CPA3: variants seen among roughly 807,000 people sequenced by gnomAD.
The protein encoded by CPA3 is carboxypeptidase A3, also known as mast cell carboxypeptidase A.
CPA3 carries 52 observed loss-of-function variants against 55.8 expected under a neutral mutation model. The ratio of observed to expected loss-of-function variants is 0.93; its 90% CI spans 0.75 to 1.17. CPA3 has a LOEUF of 1.17. CPA3 is among the 50% of genes most tolerant of loss of function. CPA3 has a pLI of 0.00. For missense variants in CPA3, 547 were observed against 509.1 expected (o/e 1.07, Z -0.72); for synonymous variants, 179 against 171.2 (o/e 1.05, Z -0.36).
At chr3:148,866,604 A>T (rs1399470031) in intron 2 of CPA3, among the ~76,000 whole-genome samples, 1 of 152,230 alleles carries the variant, frequency 6.6e-6, no homozygotes, top group Non-Finnish European at 1.5e-5. Context: ...CTGTAGCCTT[A>T]GGCAACTTAC....
intron 10 of CPA3, among the ~76,000 whole-genome samples, chr3:148,894,471 A>C (rs1234073789): frequency 3.3e-5 from 5 of 150,314 alleles, no homozygotes; most frequent in African/African-American, 9.7e-5. Flanking sequence ...AAAGAACAAA[A>C]AAAAAAAAAG....
intron 2 of CPA3, among the ~76,000 whole-genome samples, chr3:148,866,704 C>T (rs1006255786): frequency 7.9e-5 from 12 of 152,024 alleles, no homozygotes; most frequent in Non-Finnish European, 1.0e-4. Context: ...ACTAAGTAAG[C>T]GTTTGATAGC....
At chr3:148,881,078 C>A (rs756580116) in intron 6 of CPA3, among the ~76,000 whole-genome samples, 3 of 152,172 alleles carry the variant, frequency 2.0e-5, no homozygotes, top group Non-Finnish European at 4.4e-5. Flanking sequence ...TTTATTAATA[C>A]AATTTTTTAT....
chr3:148,886,606 G>T (rs1432175940), intron 10 of CPA3, among the ~76,000 whole-genome samples: 1 of 152,116 alleles, frequency 6.6e-6, no homozygotes, highest in Non-Finnish European at 1.5e-5. Context: ...GGGGTGGGAA[G>T]ATCATTTGGG....
chr3:148,883,704 T>C lies in CPA3; in HGVS notation c.870T>C (p.Ile290=), dbSNP rs1247538575. 1.2e-6 allele frequency: 2 copies of C among 1,614,090 alleles called. No individual in the cohort carries two copies. Among genetic ancestry groups the C allele is most frequent in the South Asian group, 2.2e-5 (2 of 91,078 alleles). Residue 290 remains isoleucine, a synonymous_variant, in exon 9 of 11, where the codon ATT becomes ATC. Coordinates refer to ENST00000296046, the MANE Select transcript of CPA3 (RefSeq NM_001870.4). ...AGACGAAAGCTGTCACTAATTTCAT[T>C]AGAAGCCACCTGAATGAAATCAAGG... The part of the protein sequence containing the change: ...EKETKAVTNF[I]RSHLNEIKVY...
intron 9 of CPA3, among the ~76,000 whole-genome samples, chr3:148,885,063 G>A (rs116108730): frequency 0.014 from 2,204 of 152,142 alleles, 47 homozygotes; most frequent in African/African-American, 0.05. Flanking sequence ...ACACTAACGT[G>A]TATTAAAAGG....
chr3:148,889,741 G>A (rs1477869915), intron 10 of CPA3, among the ~76,000 whole-genome samples: 1 of 151,796 alleles, frequency 6.6e-6, no homozygotes, highest in Non-Finnish European at 1.5e-5. Flanking sequence ...GTAATGGTGG[G>A]CACCTGTAAT....
At chr3:148,883,892 TGTTGAAA>T in intron 9 of CPA3, 77 bp downstream of exon 9, 1 of 1,077,304 alleles carries the variant, frequency 9.3e-7, no homozygotes, top group Non-Finnish European at 1.4e-6. Flanking sequence ...AACTTGGGTA[TGTTGAAA>T]GAATTTCACA....
intron 7 of CPA3, 128 bp downstream of exon 7, chr3:148,881,760 T>C: frequency 2.1e-6 from 1 of 471,494 alleles, no homozygotes; most frequent in Non-Finnish European, 3.6e-6. Context: ...TTTTTTAAAA[T>C]CTCAGTTTCA....
At chr3:148,889,646 C>T (rs1299358344) in intron 10 of CPA3, among the ~76,000 whole-genome samples, 15 of 151,770 alleles carry the variant, frequency 9.9e-5, no homozygotes, top group Admixed American at 2.0e-4. Context: ...CTGAGGAGGG[C>T]GGATCACAAG....
chr3:148,878,399 C>CAAA, intron 3 of CPA3, 42 bp from the exon 4 acceptor site: 1 of 1,349,904 alleles, frequency 7.4e-7, no homozygotes, highest in African/African-American at 1.4e-5. Context: ...GTTTTCCTTT[C>CAAA]TCATGATAAA....
Position 148,879,806 on chromosome 3 carries a change from A to G in CPA3, c.493A>G (p.Arg165Gly). Reference protein sequence around the residue: ...YVLKIGEKNERRKAIFTDCGI... With the variant: ...YVLKIGEKNEGRKAIFTDCGI... The stretch of plus-strand genomic sequence containing the variant: ...TAAATAGATTGGGGAAAAGAATGAA[A>G]GAAGAAAGGCTATTTTTACGGATTG... The change falls in exon 6 of 11, where the codon AGA becomes GGA. Residue 165 changes from arginine (R) to glycine (G), a missense_variant. By Grantham distance (125) the Arg-to-Gly change is moderately radical. Coordinates refer to ENST00000296046, the MANE Select transcript of CPA3 (RefSeq NM_001870.4). 6.2e-7 allele frequency: 1 copy of G among 1,610,318 alleles called. No homozygotes were observed. Among genetic ancestry groups the G allele is most frequent in the Non-Finnish European group, 8.5e-7 (1 of 1,176,706 alleles).
At chr3:148,885,613 T>C (rs1463943873) in intron 9 of CPA3, among the ~76,000 whole-genome samples, 2 of 151,968 alleles carry the variant, frequency 1.3e-5, no homozygotes, top group African/African-American at 4.8e-5. Flanking sequence ...GGTTTCACCA[T>C]GCTAGCCAGG....
chr3:148,895,389 A>T (rs907516610), intron 10 of CPA3, among the ~76,000 whole-genome samples: 5 of 152,176 alleles, frequency 3.3e-5, no homozygotes, highest in Non-Finnish European at 7.4e-5. Flanking sequence ...TTGAGCTGGC[A>T]CTGGGCATGA....
intron 6 of CPA3, among the ~76,000 whole-genome samples, chr3:148,880,990 A>T (rs1281462442): frequency 6.6e-6 from 1 of 152,214 alleles, no homozygotes; most frequent in African/African-American, 2.4e-5. Flanking sequence ...AGGTAGCTAC[A>T]GAAAGTGCAT....
At chr3:148,883,326 G>A (rs371871080) in intron 8 of CPA3, among the ~76,000 whole-genome samples, 25 of 152,264 alleles carry the variant, frequency 1.6e-4, no homozygotes, top group African/African-American at 5.5e-4. Flanking sequence ...GAGTGTATCT[G>A]GCTCCAAGTC....
In CPA3 at chr3:148,878,680, T is replaced by C. The variant is rs1171444251; in HGVS notation, c.406T>C (p.Tyr136His). 1 of 1,612,112 alleles carries C rather than the reference T, an allele frequency of 6.2e-7. No homozygotes were observed. The highest frequency in any genetic ancestry group is 8.5e-7 in the Non-Finnish European group (1 of 1,178,780). The change falls in exon 5 of 11, where the codon TAT becomes CAT. Residue 136 changes from tyrosine to histidine, a missense_variant. Tyr to His is a moderately conservative substitution (Grantham distance 83). Transcript: ENST00000296046. Reference sequence around the variant, plus strand: ...TTGGACTGAAAAGATGATGGATAAGTATCCTGAAATGGTCTCTCGTATTAA... The same window carrying C: ...TTGGACTGAAAAGATGATGGATAAGCATCCTGAAATGGTCTCTCGTATTAA... ...VAWTEKMMDK[Y>H]PEMVSRIKIG...
chr3:148,896,327 A>G (rs1022189903), intron 10 of CPA3, among the ~76,000 whole-genome samples, 193 bp from the exon 11 acceptor site: 2 of 152,198 alleles, frequency 1.3e-5, no homozygotes, highest in Non-Finnish European at 2.9e-5. Context: ...CGCAGCACAC[A>G]CTGGGTGGAT....
At chr3:148,882,999 A>T (rs1163599722) in intron 8 of CPA3, among the ~76,000 whole-genome samples, 1 of 152,206 alleles carries the variant, frequency 6.6e-6, no homozygotes, top group Non-Finnish European at 1.5e-5. Flanking sequence ...AAAGTGAAAA[A>T]GTTTAACAGA....
Sources: allele counts gnomAD v4.1 joint callset (sites outside exome capture counted in the v4.1 genomes callset), GRCh38; gene constraint gnomAD v4.1.1; transcripts MANE v1.5; gene names NCBI Gene and HGNC (gene_info 2026-07-23, HGNC 2026-07-21).